The following SPRY3 variants were observed in gnomAD, a reference collection of about 807,000 sequenced individuals.
SPRY3 encodes sprouty RTK signaling antagonist 3, also known as protein sprouty homolog 3.
Under a neutral mutation model 20.2 loss-of-function variants are expected in SPRY3, and 15 were observed. The ratio of observed to expected loss-of-function variants is 0.74; its 90% CI spans 0.50 to 1.14. The LOEUF is 1.14. SPRY3 is among the 50% of genes most tolerant of loss of function. SPRY3 has a pLI of 0.00. For missense variants in SPRY3, 364 were observed against 363.9 expected (o/e 1.00, Z 0.00); for synonymous variants, 143 against 136.5 (o/e 1.05, Z -0.33).
chrX:155,729,488 G>GA (rs1484720427), intron 2 of SPRY3, among the ~76,000 whole-genome samples: 3 of 151,916 alleles, frequency 2.0e-5, no homozygotes, highest in African/African-American at 7.3e-5. Flanking sequence ...AAATTAAGAA[G>GA]AAAATTTAAA....
At chrX:155,681,113 A>G (rs1309404100) in intron 2 of SPRY3, among the ~76,000 whole-genome samples, 4 of 110,995 alleles carry the variant, frequency 3.6e-5, no homozygotes, top group Non-Finnish European at 7.6e-5. Flanking sequence ...CTGTGTCCCC[A>G]CCCAAATTTC....
intron 2 of SPRY3, among the ~76,000 whole-genome samples, chrX:155,712,156 G>A (rs988289821): frequency 6.6e-6 from 1 of 151,902 alleles, no homozygotes; most frequent in Non-Finnish European, 1.5e-5. Flanking sequence ...GGAGAAAAAT[G>A]TGCATCCTGC....
At chrX:155,758,374 T>C (rs910882199) in intron 2 of SPRY3, among the ~76,000 whole-genome samples, 4 of 152,182 alleles carry the variant, frequency 2.6e-5, no homozygotes, top group African/African-American at 9.7e-5. Context: ...TAGAACCACT[T>C]TGTCCCTCCC....
chrX:155,766,855 A>G (rs1264990197), intron 2 of SPRY3, among the ~76,000 whole-genome samples: 1 of 152,202 alleles, frequency 6.6e-6, no homozygotes, highest in Non-Finnish European at 1.5e-5. Context: ...AAGGGAAAGT[A>G]GGTTGGGTAA....
chrX:155,773,865 AG>A, exon 4 of SPRY3: 1 of 1,610,994 alleles, frequency 6.2e-7, no homozygotes, highest in African/African-American at 1.3e-5. Flanking sequence ...TAAAAAATCA[AG>A]GCAAAATGGA....
intron 1 of SPRY3, among the ~76,000 whole-genome samples, chrX:155,642,448 T>G (rs1361491569): frequency 8.9e-6 from 1 of 111,792 alleles, no homozygotes; most frequent in African/African-American, 3.2e-5. Context: ...GTTTCTTTTT[T>G]TATATTGTTT....
At chrX:155,651,637 G>A (rs2067977812) in intron 1 of SPRY3, among the ~76,000 whole-genome samples, 1 of 111,744 alleles carries the variant, frequency 8.9e-6, no homozygotes, top group Non-Finnish European at 1.9e-5. Context: ...CAGAGCAAAA[G>A]GCTTTAAAAT....
chrX:155,647,365 T>C (rs1045521781), intron 1 of SPRY3, among the ~76,000 whole-genome samples: 4 of 110,993 alleles, frequency 3.6e-5, no homozygotes, highest in African/African-American at 1.3e-4. Context: ...TGTGCAGGTT[T>C]GTTACATAGG....
At chrX:155,633,376 TAAAAAAAAAAA>T (rs1170609386) in intron 1 of SPRY3, among the ~76,000 whole-genome samples, 1 of 21,101 alleles carries the variant, frequency 4.7e-5, no homozygotes, top group Non-Finnish European at 9.2e-5. Context: ...CCGTCTCTAC[TAAAAAAAAAAA>T]AAAAAAAAAA....
At chrX:155,765,333 C>G (rs781716) in intron 2 of SPRY3, among the ~76,000 whole-genome samples, 1 of 152,046 alleles carries the variant, frequency 6.6e-6, no homozygotes, top group African/African-American at 2.4e-5. Context: ...GATCTGCAAA[C>G]TGCCAACTGT....
At chrX:155,758,143 T>C (rs1299029598) in intron 2 of SPRY3, among the ~76,000 whole-genome samples, 1 of 152,232 alleles carries the variant, frequency 6.6e-6, no homozygotes, top group Non-Finnish European at 1.5e-5. Context: ...GATTCATTTA[T>C]TCGTTCAACC....
intron 2 of SPRY3, among the ~76,000 whole-genome samples, chrX:155,718,298 A>T (rs1180467810): frequency 6.6e-6 from 1 of 152,114 alleles, no homozygotes; most frequent in African/African-American, 2.4e-5. Context: ...ATCCAAGAAA[A>T]ATCTTGACAA....
At chrX:155,725,875 T>A (rs1352193637) in intron 2 of SPRY3, among the ~76,000 whole-genome samples, 1 of 152,216 alleles carries the variant, frequency 6.6e-6, no homozygotes, top group Non-Finnish European at 1.5e-5. Flanking sequence ...TGAATTTGTT[T>A]GCTCTTGCTT....
chrX:155,640,690 T>C (rs2067937617), intron 1 of SPRY3, among the ~76,000 whole-genome samples: 1 of 112,052 alleles, frequency 8.9e-6, no homozygotes, highest in Non-Finnish European at 1.9e-5. Flanking sequence ...TTTGTAGCTA[T>C]TGTAAATGGG....
intron 3 of SPRY3, among the ~76,000 whole-genome samples, chrX:155,771,040 G>C (rs1162902002): frequency 6.6e-6 from 1 of 152,104 alleles, no homozygotes; most frequent in Non-Finnish European, 1.5e-5. Context: ...TACAGAGCAG[G>C]AAGAAACCTT....
At chrX:155,645,049 G>A in intron 1 of SPRY3, among the ~76,000 whole-genome samples, 1 of 111,442 alleles carries the variant, frequency 9.0e-6, no homozygotes, top group African/African-American at 3.3e-5. Flanking sequence ...CAGTCATCAG[G>A]TGATGGATCC....
chrX:155,772,063 G>C (rs2091384735), intron 3 of SPRY3, among the ~76,000 whole-genome samples: 1 of 152,082 alleles, frequency 6.6e-6, no homozygotes, highest in Non-Finnish European at 1.5e-5. Context: ...ATAAATATTT[G>C]AGTCTGAGAG....
intron 2 of SPRY3, among the ~76,000 whole-genome samples, chrX:155,747,863 C>G (rs1425197916): frequency 1.3e-5 from 2 of 151,748 alleles, no homozygotes; most frequent in Non-Finnish European, 2.9e-5. Context: ...TCCAATCGGC[C>G]ATGGACTTTT....
At chrX:155,635,089 A>G (rs1557350874) in intron 1 of SPRY3, among the ~76,000 whole-genome samples, 1 of 107,197 alleles carries the variant, frequency 9.3e-6, no homozygotes, top group East Asian at 2.9e-4. Context: ...TCCCATGTCC[A>G]TGTGTTCTCA....
Sources: gnomAD v4.1 joint callset for allele counts (sites outside exome capture counted in the v4.1 genomes callset) on GRCh38, gnomAD v4.1.1 for gene constraint, MANE v1.5 for transcripts, NCBI Gene and HGNC (gene_info 2026-07-23, HGNC 2026-07-21) for gene names.